VRK2: variants seen among roughly 807,000 people sequenced by gnomAD.
The protein encoded by VRK2 is serine/threonine-protein kinase VRK2.
Under a neutral mutation model 57.6 loss-of-function variants are expected in VRK2, and 60 were observed. The ratio of observed to expected loss-of-function variants is 1.04; its 90% CI spans 0.85 to 1.29. The LOEUF (loss-of-function observed/expected upper bound fraction) is 1.29, where lower values mean the gene tolerates loss of function less well. Among genes scored for constraint, VRK2 ranks in the 50% most tolerant of loss-of-function variants. The pLI is 0.00. For missense variants in VRK2, 705 were observed against 588.1 expected (o/e 1.20, Z -2.06); for synonymous variants, 231 against 199.2 (o/e 1.16, Z -1.35).
chr2:58,022,201 G>T lies in VRK2; in HGVS notation c.-438-3464G>T, dbSNP rs565581077. Among the ~76,000 whole-genome samples the T allele has an allele frequency of 2.6e-5, 4 of 152,304 alleles. No individual in the cohort carries two copies. In the South Asian group the frequency reaches 8.3e-4, roughly 32 times the overall value. On this transcript the variant is annotated intron_variant, in intron 1 of 15. Coordinates refer to the VRK2 transcript ENST00000417641. Reference sequence around the variant, plus strand: ...TAGTGTCAGTGCCTTTAGAATGGGTGTCACTGCACCCAGACAATGACTGAG... The same window carrying T: ...TAGTGTCAGTGCCTTTAGAATGGGTTTCACTGCACCCAGACAATGACTGAG...
intron 1 of VRK2, among the ~76,000 whole-genome samples, chr2:57,959,008 A>T (rs1671674376): frequency 6.6e-6 from 1 of 152,224 alleles, no homozygotes; most frequent in Non-Finnish European, 1.5e-5. Context: ...GTAGCATATT[A>T]CTATCTAGGA....
At chr2:58,099,388 C>T (rs1198537259) in intron 7 of VRK2, among the ~76,000 whole-genome samples, 2 of 152,096 alleles carry the variant, frequency 1.3e-5, no homozygotes, top group Non-Finnish European at 2.9e-5. Context: ...TCAGGTCTCA[C>T]TTGCCTTCGT....
At chr2:57,924,132 T>C (rs1670455671) in intron 1 of VRK2, among the ~76,000 whole-genome samples, 1 of 151,974 alleles carries the variant, frequency 6.6e-6, no homozygotes, top group Non-Finnish European at 1.5e-5. Context: ...ACACCTCTGC[T>C]GTATACTTTG....
intron 1 of VRK2, among the ~76,000 whole-genome samples, chr2:57,964,430 C>A (rs1671851447): frequency 6.6e-6 from 1 of 151,770 alleles, no homozygotes; most frequent in African/African-American, 2.4e-5. Flanking sequence ...CTTGCTGTCT[C>A]AAGAGTGGTG....
At chr2:58,123,883 A>G (rs981982631) in intron 8 of VRK2, among the ~76,000 whole-genome samples, 27 of 151,990 alleles carry the variant, frequency 1.8e-4, no homozygotes, top group Admixed American at 1.8e-3. Context: ...ACATACGAAC[A>G]ATTATTCCTG....
At chr2:57,952,750 G>GA (rs111349440) in intron 1 of VRK2, among the ~76,000 whole-genome samples, 13,222 of 120,400 alleles carry the variant, frequency 0.11, 750 homozygotes, top group African/African-American at 0.19. Flanking sequence ...AACTGAAAAT[G>GA]AAAAAAAAAA....
intron 2 of VRK2, among the ~76,000 whole-genome samples, chr2:58,071,241 CTG>C (rs764165144): frequency 6.6e-6 from 1 of 151,952 alleles, no homozygotes; most frequent in Non-Finnish European, 1.5e-5. Flanking sequence ...TCCTCCCAGA[CTG>C]TGATTTATCT....
intron 1 of VRK2, among the ~76,000 whole-genome samples, chr2:57,945,024 G>C (rs1372687576): frequency 6.6e-6 from 1 of 152,120 alleles, no homozygotes; most frequent in African/African-American, 2.4e-5. Flanking sequence ...CATGGGCTCA[G>C]AAACTTACTC....
chr2:58,116,412 G>A (rs1427608475), intron 7 of VRK2, among the ~76,000 whole-genome samples: 2 of 151,654 alleles, frequency 1.3e-5, no homozygotes, highest in African/African-American at 4.9e-5. Flanking sequence ...AACTGGGCAG[G>A]TGGGGATAAC....
chr2:58,000,741 C>T (rs950719613), intron 1 of VRK2, among the ~76,000 whole-genome samples: 12 of 152,188 alleles, frequency 7.9e-5, no homozygotes, highest in Non-Finnish European at 1.6e-4. Flanking sequence ...TCATTAGTTT[C>T]ATATTAGATT....
chr2:58,081,494 C>G (rs534311239), intron 2 of VRK2, among the ~76,000 whole-genome samples: 4 of 151,526 alleles, frequency 2.6e-5, no homozygotes, highest in African/African-American at 9.7e-5. Context: ...TTCTTGCCAT[C>G]TATTAAATTG....
At chr2:58,007,337 C>T (rs1037989888) in intron 1 of VRK2, among the ~76,000 whole-genome samples, 18 of 151,142 alleles carry the variant, frequency 1.2e-4, no homozygotes, top group Admixed American at 2.6e-4. Flanking sequence ...GCTAACAGAA[C>T]GAATACAGTT....
intron 2 of VRK2, among the ~76,000 whole-genome samples, chr2:58,030,673 T>C (rs1360255371): frequency 6.6e-6 from 1 of 152,062 alleles, no homozygotes; most frequent in Non-Finnish European, 1.5e-5. Context: ...CTTTTCATAA[T>C]ACCCAGAGGT....
intron 2 of VRK2, among the ~76,000 whole-genome samples, chr2:58,026,214 G>C (rs1455455883): frequency 6.6e-6 from 1 of 151,944 alleles, no homozygotes; most frequent in Non-Finnish European, 1.5e-5. Flanking sequence ...GAAAATCTTT[G>C]AATTGCTGAG....
intron 1 of VRK2, among the ~76,000 whole-genome samples, chr2:57,949,051 A>C (rs1671345329): frequency 8.2e-6 from 1 of 121,372 alleles, no homozygotes; most frequent in Non-Finnish European, 1.6e-5. Context: ...ATTGCAAAAC[A>C]TTAAGTTGGG....
At chr2:58,078,155 C>T (rs1050201442) in intron 2 of VRK2, among the ~76,000 whole-genome samples, 8 of 152,070 alleles carry the variant, frequency 5.3e-5, no homozygotes, top group African/African-American at 1.9e-4. Context: ...CTCCATTTTC[C>T]TCTTTTCCCA....
At chr2:58,055,505 G>A (rs548572044) in intron 2 of VRK2, among the ~76,000 whole-genome samples, 6 of 150,436 alleles carry the variant, frequency 4.0e-5, no homozygotes, top group Non-Finnish European at 8.9e-5. Flanking sequence ...GTGTAGGGAA[G>A]AGAAAGTATT....
intron 1 of VRK2, among the ~76,000 whole-genome samples, chr2:57,909,520 T>C (rs189280397): frequency 3.9e-5 from 6 of 152,132 alleles, no homozygotes; most frequent in Admixed American, 3.9e-4. Flanking sequence ...TAAACTGATA[T>C]AGTACTGGAT....
chr2:57,974,249 AAT>A (rs1194763622), intron 1 of VRK2, among the ~76,000 whole-genome samples: 3 of 151,988 alleles, frequency 2.0e-5, no homozygotes, highest in South Asian at 2.1e-4. Context: ...ATCATAAAGA[AAT>A]ATTTTATAAT....
Sources: gnomAD v4.1 joint callset for allele counts (sites outside exome capture counted in the v4.1 genomes callset) on GRCh38, gnomAD v4.1.1 for gene constraint, MANE v1.5 for transcripts, NCBI Gene and HGNC (gene_info 2026-07-23, HGNC 2026-07-21) for gene names.